The following MAP1S variants were observed in gnomAD, a reference collection of about 807,000 sequenced individuals.
MAP1S encodes microtubule associated protein 1S.
Under a neutral mutation model 60.9 loss-of-function variants are expected in MAP1S, and 27 were observed. The ratio of observed to expected loss-of-function variants is 0.44; its 90% CI spans 0.33 to 0.61. The LOEUF (loss-of-function observed/expected upper bound fraction) is 0.61. MAP1S is among the 20% of genes least tolerant of loss of function. The pLI, the probability that MAP1S is intolerant of heterozygous loss-of-function variation, is 0.03. For missense variants in MAP1S, 1,608 were observed against 1,486.6 expected, an observed-to-expected ratio of 1.08 and a Z score of -1.34; for synonymous variants, 826 against 694.2, an observed-to-expected ratio of 1.19 and a Z score of -2.98.
At chr19:17,723,617 G>A (rs1352793174) in intron 2 of MAP1S, among the ~76,000 whole-genome samples, 2 of 152,086 alleles carry the variant, frequency 1.3e-5, no homozygotes, top group Admixed American at 6.6e-5. Context: ...TTGGGAGGCC[G>A]AGGCAGGCGG....
intron 2 of MAP1S, among the ~76,000 whole-genome samples, chr19:17,723,514 C>T (rs542776256): frequency 2.0e-5 from 3 of 150,366 alleles, no homozygotes; most frequent in African/African-American, 7.4e-5. Flanking sequence ...CACTGTTGCA[C>T]GCCAGCCTGG....
intron 5 of MAP1S, among the ~76,000 whole-genome samples, chr19:17,729,139 C>A (rs2080470726): frequency 6.6e-6 from 1 of 152,204 alleles, no homozygotes; most frequent in Non-Finnish European, 1.5e-5. Context: ...AGAAAAGGCA[C>A]ATAGGGTGAA....
In MAP1S at chr19:17,727,143, C is replaced by T. The variant is rs770051124; in HGVS notation, c.1759C>T (p.Arg587Ter). 3.1e-6 allele frequency: 5 copies of T among 1,590,998 alleles called. No homozygotes were observed. The highest frequency in any genetic ancestry group is 1.3e-5 in the African/African-American group (1 of 74,490). ...ANGPRSPPSL[R>*]CGEASPPSAA... ...TGGACCCCGCAGCCCGCCCAGCCTC[C>T]GATGTGGAGAAGCCAGCCCCCCCAG... The change falls in exon 5 of 7, where the codon CGA becomes TGA. Residue 587 changes from arginine (R) to a stop codon, truncating the protein, a stop_gained. Transcript: ENST00000324096. LOFTEE classifies it high-confidence loss of function. This position sits in a 1 kb window ranked among gnomAD's most constrained non-coding sequence, Gnocchi z 4.1.
intron 2 of MAP1S, among the ~76,000 whole-genome samples, chr19:17,721,921 T>A (rs1188961773): frequency 6.6e-6 from 1 of 152,090 alleles, no homozygotes; most frequent in Non-Finnish European, 1.5e-5. Context: ...GGCTTGGGTG[T>A]TGCCTGCAGC....
chr19:17,724,955 G>A (rs1478252631), intron 3 of MAP1S, 94 bp from the exon 4 acceptor site: 2 of 1,496,478 alleles, frequency 1.3e-6, no homozygotes, highest in African/African-American at 1.4e-5. Context: ...ACAGGAGAGG[G>A]GTGGTTATGT....
chr19:17,725,212 C>T lies in MAP1S; in HGVS notation c.444+23C>T, dbSNP rs1412909761. The T allele has an allele frequency of 9.4e-6, 15 of 1,590,912 alleles. No homozygotes were observed. The highest frequency in any genetic ancestry group is 8.1e-5 in the African/African-American group (6 of 74,430). ...GAGGTAAGCCACCCCTTTGCCATCCCCTGCTTCCCCAGCTCTGAATCCTGA... is the reference window on the plus strand; with the variant it reads ...GAGGTAAGCCACCCCTTTGCCATCCTCTGCTTCCCCAGCTCTGAATCCTGA... On this transcript the variant is annotated intron_variant, in intron 4 of 6. Transcript: ENST00000324096. The surrounding 1 kb of genome is among the most constrained non-coding windows in gnomAD (Gnocchi z 4.2).
chr19:17,730,795 A>T (rs1374584623), intron 5 of MAP1S, among the ~76,000 whole-genome samples: 1 of 151,960 alleles, frequency 6.6e-6, no homozygotes, highest in Non-Finnish European at 1.5e-5. Context: ...TTAAATTCTC[A>T]TGAAGTCCAT....
intron 5 of MAP1S, chr19:17,728,815 CAA>C (rs2145978659): frequency 6.6e-6 from 1 of 152,354 alleles, no homozygotes; most frequent in South Asian, 2.1e-4. Context: ...CTTGGCCTCC[CAA>C]AGTGCTGGGA....
At chr19:17,732,710 G>C (rs1277875065) in intron 5 of MAP1S, among the ~76,000 whole-genome samples, 1 of 152,224 alleles carries the variant, frequency 6.6e-6, no homozygotes, top group African/African-American at 2.4e-5. Context: ...TGCAGAAGCA[G>C]CAGATGGTCC....
At chr19:17,734,034 A>C (rs764996273) in intron 6 of MAP1S, among the ~76,000 whole-genome samples, 2 of 152,110 alleles carry the variant, frequency 1.3e-5, no homozygotes, top group Non-Finnish European at 2.9e-5. Context: ...GCAGAGGAGG[A>C]GCTCCGTCTC....
chr19:17,723,047 C>T (rs12979186), intron 2 of MAP1S, among the ~76,000 whole-genome samples: 79,644 of 151,656 alleles, frequency 0.53, 22,180 homozygotes, highest in African/African-American at 0.67. Context: ...TTGCCACCCC[C>T]CTCTCACAGT....
At chr19:17,720,132 T>G in intron 1 of MAP1S, 2 of 1,284,928 alleles carry the variant, frequency 1.6e-6, no homozygotes, top group Non-Finnish European at 2.0e-6. Flanking sequence ...CGGCCTGCCC[T>G]GGGGATTTGG....
Position 17,733,373 on chromosome 19 carries a change from G to A in MAP1S, c.2969G>A (p.Arg990Gln), listed in dbSNP as rs759351694. ...GQDQRKEEGM[R>Q]AVLDALLASK... ...GACCAGCGCAAGGAGGAAGGCATGC[G>A]GGCCGTCCTGGACGCGCTACTGGCC... Residue 990 changes from arginine to glutamine, a missense_variant, in exon 6 of 7, where the codon CGG (arginine) becomes CAG (glutamine). Around this residue, in one of 4 missense-constraint regions of MAP1S, gnomAD observed 76 missense variants for 110.1 expected, o/e 0.69. Transcript: ENST00000324096. 8.7e-6 allele frequency: 14 copies of A among 1,611,380 alleles called. No homozygotes were observed. The highest frequency in any genetic ancestry group is 2.2e-5 in the South Asian group (2 of 90,652).
Position 17,728,169 on chromosome 19 carries a change from T to C in MAP1S, c.2785T>C (p.Ser929Pro). 1 of 1,586,050 alleles carries C rather than the reference T, an allele frequency of 6.3e-7. No homozygotes were observed. The highest frequency in any genetic ancestry group is 8.6e-7 in the Non-Finnish European group (1 of 1,162,782). ...STPKTATRGP[S>P]GSASSRPGVS... ...CCCCAAGACTGCCACTCGAGGCCCG[T>C]CGGGTGAGTACTGGAGCTGGGGCCC... Residue 929 changes from serine to proline, a missense_variant, in exon 5 of 7, where the codon TCG becomes CCG. Physicochemically the swap from Ser to Pro is moderately conservative, Grantham distance 74. Around this residue, in one of 4 missense-constraint regions of MAP1S, gnomAD observed 1,167 missense variants for 961.4 expected, o/e 1.21. Transcript: ENST00000324096.
At chr19:17,730,421 C>T (rs889706569) in intron 5 of MAP1S, among the ~76,000 whole-genome samples, 1 of 152,210 alleles carries the variant, frequency 6.6e-6, no homozygotes, top group Admixed American at 6.5e-5. Context: ...TCAAGTGATC[C>T]TCCCAGCTCA....
At chr19:17,724,282 C>A in intron 3 of MAP1S, 74 bp downstream of exon 3, 1 of 1,241,102 alleles carries the variant, frequency 8.1e-7, no homozygotes, top group Non-Finnish European at 1.2e-6. Flanking sequence ...TGTCTCGTGT[C>A]CTTGTCTTCA....
chr19:17,719,770 C>A, intron 1 of MAP1S, 150 bp downstream of exon 1: 1 of 210,496 alleles, frequency 4.8e-6, no homozygotes, highest in African/African-American at 2.3e-5. Context: ...GGGTCCCCTT[C>A]ACCGTTAGGC....
Position 17,726,726 on chromosome 19 carries a change from C to G in MAP1S, c.1342C>G (p.Leu448Val), listed in dbSNP as rs2080429198. 6.3e-6 allele frequency: 10 copies of G among 1,589,638 alleles called. No individual in the cohort carries two copies. Among genetic ancestry groups the G allele is most frequent in the Non-Finnish European group, 8.5e-6 (10 of 1,171,406 alleles). ...PACLLDGLVR[L>V]QHLRFLREPV... ...CTGCCTCCTGGACGGCCTGGTCCGC[C>G]TGCAGCACTTGAGGTTCCTGCGAGA... The change falls in exon 5 of 7, where the codon CTG (leucine) becomes GTG (valine). Residue 448 changes from leucine to valine, a missense_variant. By Grantham distance (32) the Leu-to-Val change is conservative (BLOSUM62 1). Around this residue, in one of 4 missense-constraint regions of MAP1S, gnomAD observed 1,167 missense variants for 961.4 expected, o/e 1.21. Transcript: ENST00000324096.
In MAP1S at chr19:17,727,418, C is replaced by T; in HGVS notation, c.2034C>T (p.Thr678=). ...ASPTVTTPTV[T]TPSLPAEVGS... ...CCACAGTGACCACACCCACGGTGAC[C>T]ACGCCCTCACTACCCGCAGAGGTGG... The change falls in exon 5 of 7, where the codon ACC becomes ACT. Residue 678 remains threonine (T), a synonymous_variant. Coordinates refer to ENST00000324096, the MANE Select transcript of MAP1S (RefSeq NM_018174.6). The surrounding 1 kb of genome is among the most constrained non-coding windows in gnomAD (Gnocchi z 4.1). The T allele has an allele frequency of 3.8e-6, 6 of 1,599,798 alleles. No homozygotes were observed. Among genetic ancestry groups the T allele is most frequent in the Non-Finnish European group, 5.1e-6 (6 of 1,173,938 alleles).
Sources: gnomAD v4.1 joint callset for allele counts (sites outside exome capture counted in the v4.1 genomes callset) on GRCh38, gnomAD v4.1.1 for gene constraint, gnomAD v4.1.1 regional missense constraint, Gnocchi (gnomAD v3.1) non-coding constraint, MANE v1.5 for transcripts, NCBI Gene and HGNC (gene_info 2026-07-23, HGNC 2026-07-21) for gene names.